SPEG: variants seen among roughly 807,000 people sequenced by gnomAD.
SPEG encodes striated muscle preferentially expressed protein kinase.
Under a neutral mutation model 300.4 loss-of-function variants are expected in SPEG, and 114 were observed. The ratio of observed to expected loss-of-function variants is 0.38; its 90% CI spans 0.33 to 0.44. The LOEUF is 0.44. Ranked by LOEUF, SPEG falls within the 20% of genes least tolerant of loss-of-function variation. The pLI is 1.00. For synonymous variants in SPEG, 1,964 were observed against 2,018.9 expected (o/e 0.97, Z 0.73); for missense variants, 4,201 against 4,586.2 (o/e 0.92, Z 2.43).
rs1694109819 is a variant in SPEG at position 219,492,911 on chromosome 2, G to C, written c.*125G>C. The C allele has an allele frequency of 9.9e-7, 1 of 1,014,706 alleles. No homozygotes were observed. 62.9% of individuals were successfully genotyped at this position (1,014,706 alleles called of 1,614,324 possible). A position where few individuals can be genotyped will look rare whatever the true frequency, so the allele number is the denominator to read the frequency against. On this transcript the variant is annotated 3_prime_UTR_variant, in exon 41 of 41. Coordinates refer to ENST00000312358, the MANE Select transcript of SPEG (RefSeq NM_005876.5). ...CGGTTACCACCAGCAGCAACATCTG[G>C]CTGGGCTCTTACCTCATAGACCTTC...
intron 6 of SPEG, among the ~76,000 whole-genome samples, chr2:219,455,911 C>A (rs1214011996): frequency 1.3e-5 from 2 of 152,234 alleles, no homozygotes; most frequent in Admixed American, 1.3e-4. Flanking sequence ...TGGGCCTGGG[C>A]CTCATCCTCC....
intron 1 of SPEG, among the ~76,000 whole-genome samples, chr2:219,438,636 G>T (rs1954780037): frequency 1.3e-5 from 2 of 152,230 alleles, no homozygotes; most frequent in African/African-American, 4.8e-5. Flanking sequence ...GTGTGTGGCT[G>T]AAGAGCAGAC....
chr2:219,451,291 C>T lies in SPEG; in HGVS notation c.2257+12C>T. The T allele has an allele frequency of 1.9e-6, 3 of 1,599,918 alleles. No individual in the cohort carries two copies. The highest frequency in any genetic ancestry group is 2.3e-5 in the South Asian group (2 of 88,780). ...CCCCCCGCCCCAAGGTGAGCTCCAG[C>T]ACTGGGCCAAGGTGCGGTCGAGGTT... is the stretch of plus-strand genomic sequence containing the variant. On this transcript the variant is annotated intron_variant, in intron 5 of 40. Transcript: ENST00000312358. The surrounding 1 kb of genome is among the most constrained non-coding windows in gnomAD (Gnocchi z 6.4).
intron 6 of SPEG, chr2:219,461,496 C>T (rs1237200325): frequency 3.7e-6 from 4 of 1,083,184 alleles, no homozygotes; most frequent in African/African-American, 1.7e-5. Flanking sequence ...AGACCTGCTT[C>T]CCCTGCTTTT....
Position 219,448,001 on chromosome 2 carries a change from G to A in SPEG, c.843G>A (p.Arg281=). Reference sequence around the variant, plus strand: ...GCGTCCCTCAGAGCGGGTTGCGCAGGGAGGAGCCCGACCTTCAGCCTCAAC... The same window carrying A: ...GCGTCCCTCAGAGCGGGTTGCGCAGAGAGGAGCCCGACCTTCAGCCTCAAC... ...HVSVPQSGLR[R]EEPDLQPQLA... Residue 281 remains arginine, a synonymous_variant, in exon 4 of 41, where the codon AGG becomes AGA. Transcript: ENST00000312358. 2 of 1,612,546 alleles carry A rather than the reference G, an allele frequency of 1.2e-6. No homozygotes were observed. The highest frequency in any genetic ancestry group is 1.7e-6 in the Non-Finnish European group (2 of 1,179,916).
chr2:219,478,187 A>G (rs919844143), intron 22 of SPEG, 82 bp downstream of exon 22: 16 of 1,256,706 alleles, frequency 1.3e-5, no homozygotes, highest in African/African-American at 3.0e-5. Context: ...AACATGTTTT[A>G]CAGTTTACAA....
In SPEG at chr2:219,458,320, G is replaced by A. The variant is rs539729234; in HGVS notation, c.2441-3562G>A. ...AGGGGAGCTTGGCAAAGAGACCATG[G>A]AGCGGTGGTCCTCAGAGTGAGGCCC... On this transcript the variant is annotated intron_variant, in intron 6 of 40. Transcript: ENST00000312358. The surrounding 1 kb of genome is among the most constrained non-coding windows in gnomAD (Gnocchi z 4.2). 3.9e-5 allele frequency among the ~76,000 whole-genome samples: 6 copies of A among 152,224 alleles called. No individual in the cohort carries two copies. The highest frequency in any genetic ancestry group is 1.4e-4 in the African/African-American group (6 of 41,452).
chr2:219,465,899 G>A lies in SPEG; in HGVS notation c.2882-1275G>A, dbSNP rs1326690502. On this transcript the variant is annotated intron_variant, in intron 9 of 40. Transcript: ENST00000312358. The stretch of plus-strand genomic sequence containing the variant: ...TGCGTGCGTGTGCATGTGTGCGTAT[G>A]GGTGTGTGCATGCGTGTGTGTGTGC... The A allele has an allele frequency of 2.0e-5, 13 of 658,830 alleles. No homozygotes were observed. The East Asian group carries it at 3.4e-4, about 17-fold the overall frequency. The allele number at this position is 658,830 out of a possible 1,614,324, so 40.8% of individuals were successfully genotyped here.
chr2:219,451,917 C>T lies in SPEG; in HGVS notation c.2440+110C>T, dbSNP rs757526116. 7.0e-6 allele frequency: 8 copies of T among 1,141,416 alleles called. No individual in the cohort carries two copies. The highest frequency in any genetic ancestry group is 3.4e-5 in the South Asian group (2 of 58,458). The allele number at this position is 1,141,416 out of a possible 1,614,324, so 70.7% of individuals were successfully genotyped here. On this transcript the variant is annotated intron_variant, in intron 6 of 40. Transcript: ENST00000312358. The surrounding 1 kb of genome is among the most constrained non-coding windows in gnomAD (Gnocchi z 6.4). ...CTCTCAGCCTTGAGCTTGGGCACCC[C>T]GCCAGCATACTTAGTCCATGCAGTC...
chr2:219,477,585 C>T lies in SPEG; in HGVS notation c.4730-104C>T. On this transcript the variant is annotated intron_variant, in intron 20 of 40. Transcript: ENST00000312358. This position sits in a 1 kb window ranked among gnomAD's most constrained non-coding sequence, Gnocchi z 6.4. The stretch of plus-strand genomic sequence containing the variant: ...CCAGCACCCCGCCTTGAGCCCCCAA[C>T]ATTCTTGCACCTCTTCTCTCTTCTT... The T allele has an allele frequency of 7.3e-7, 1 of 1,369,572 alleles. No homozygotes were observed. The highest frequency in any genetic ancestry group is 9.9e-7 in the Non-Finnish European group (1 of 1,006,294). The allele number at this position is 1,369,572 out of a possible 1,614,324, so 84.8% of individuals were successfully genotyped here. A position where few individuals can be genotyped will look rare whatever the true frequency, so the allele number is the denominator to read the frequency against.
In SPEG at chr2:219,459,258, C is replaced by A. The variant is rs1690445245; in HGVS notation, c.2441-2624C>A. Among the ~76,000 whole-genome samples, 1 of 152,174 alleles carries A rather than the reference C, an allele frequency of 6.6e-6. No homozygotes were observed. Among genetic ancestry groups the A allele is most frequent in the Non-Finnish European group, 1.5e-5 (1 of 68,018 alleles). On this transcript the variant is annotated intron_variant, in intron 6 of 40. Coordinates refer to ENST00000312358, the MANE Select transcript of SPEG (RefSeq NM_005876.5). The surrounding 1 kb of genome is among the most constrained non-coding windows in gnomAD (Gnocchi z 4.9). The stretch of plus-strand genomic sequence containing the variant: ...TAGGGGGGCACCTGCCCCCTCCTTC[C>A]TGGCTGGTGTAACTGTGTTTGCCAC...
chr2:219,461,456 C>T lies in SPEG; in HGVS notation c.2441-426C>T, dbSNP rs111749863. The stretch of plus-strand genomic sequence containing the variant: ...AGGCCCAGCTCACCCAAGAAATGGG[C>T]GTCCTAGCCATGCTGCTCCAGGGTT... On this transcript the variant is annotated intron_variant, in intron 6 of 40. Transcript: ENST00000312358. The T allele has an allele frequency of 2.0e-3, 2,058 of 1,033,406 alleles. 35 individuals carry two copies. The African/African-American group carries it at 0.033, about 17-fold the overall frequency. The allele number at this position is 1,033,406 out of a possible 1,614,324, so 64.0% of individuals were successfully genotyped here.
intron 39 of SPEG, 77 bp downstream of exon 39, chr2:219,491,946 C>CT: frequency 7.2e-7 from 1 of 1,394,650 alleles, no homozygotes; most frequent in Non-Finnish European, 9.8e-7. Context: ...CCAACACCCT[C>CT]TCCCCCGTGC....
Position 219,484,001 on chromosome 2 carries a change from C to T in SPEG, c.6538C>T (p.Arg2180Trp). The T allele has an allele frequency of 6.2e-7, 1 of 1,612,548 alleles. No homozygotes were observed. Reference sequence around the variant, plus strand: ...CGAGGCCCAGCCATCCAGCCCTGCACGGCCCAGCGCCCCCAAACCCAGTAC... The same window carrying T: ...CGAGGCCCAGCCATCCAGCCCTGCATGGCCCAGCGCCCCCAAACCCAGTAC... ...LSEAQPSSPA[R>W]PSAPKPSTPK... The change falls in exon 30 of 41, where the codon CGG becomes TGG. Residue 2180 changes from arginine to tryptophan, a missense_variant. This residue lies in a region of SPEG where 1,578 missense variants were observed against 1,506.0 expected (regional missense o/e 1.05). Transcript: ENST00000312358.
rs61747228 is a variant in SPEG, at chr2:219,467,352, T to C, written c.3060T>C (p.Asp1020=). 1.7e-3 allele frequency: 2,733 copies of C among 1,612,414 alleles called. 40 individuals carry two copies. The African/African-American group carries it at 0.033, about 19-fold the overall frequency. ...PALLKCKMHF[D]GRKCKLLLTS... is the part of the protein sequence containing the mutation. ...TGCTCAAATGCAAGATGCATTTCGATGGCCGCAAATGCAAGCTGCTACTTA... is the reference window on the plus strand; with the variant it reads ...TGCTCAAATGCAAGATGCATTTCGACGGCCGCAAATGCAAGCTGCTACTTA... Residue 1020 remains aspartate, a synonymous_variant, in exon 10 of 41, where the codon GAT becomes GAC. Coordinates refer to ENST00000312358, the MANE Select transcript of SPEG (RefSeq NM_005876.5).
At chr2:219,472,822 G>T (rs1206642671) in intron 15 of SPEG, 68 bp from the exon 16 acceptor site, 2 of 1,381,528 alleles carry the variant, frequency 1.4e-6, no homozygotes, top group African/African-American at 1.4e-5. Flanking sequence ...CCAGGGTCCC[G>T]GGCCAGCTGG....
rs1396099096 is a variant in SPEG at position 219,477,295 on chromosome 2, G to A, written c.4579G>A (p.Glu1527Lys). 3.7e-6 allele frequency: 6 copies of A among 1,612,164 alleles called. No individual in the cohort carries two copies. The highest frequency in any genetic ancestry group is 1.7e-5 in the Admixed American group (1 of 59,914). The change falls in exon 20 of 41, where the codon GAG becomes AAG. Residue 1527 changes from glutamate (E) to lysine (K), a missense_variant. By Grantham distance (56) the Glu-to-Lys change is moderately conservative. Coordinates refer to ENST00000312358, the MANE Select transcript of SPEG (RefSeq NM_005876.5). The surrounding 1 kb of genome is among the most constrained non-coding windows in gnomAD (Gnocchi z 6.4). ...TCTGCAGGACGAGGTGCTGCTGACC[G>A]AGAGCAGCCATGTGAGCTTCGTGTA... ...MWYKDEVLLT[E>K]SSHVSFVYEE... is the part of the protein sequence containing the mutation.
chr2:219,460,469 A>G (rs1690569841), intron 6 of SPEG: 1 of 985,290 alleles, frequency 1.0e-6, no homozygotes, highest in Non-Finnish European at 1.2e-6. Context: ...GGTCAGGGCA[A>G]GTGTCCCTAT....
rs763714914 is a variant in SPEG, at chr2:219,434,966, C to T, written c.-12C>T. 1.3e-6 allele frequency: 2 copies of T among 1,501,874 alleles called. No individual in the cohort carries two copies. Among genetic ancestry groups the T allele is most frequent in the African/African-American group, 1.4e-5 (1 of 69,086 alleles). 93.0% of individuals were successfully genotyped at this position (1,501,874 alleles called of 1,614,324 possible). A position where few individuals can be genotyped will look rare whatever the true frequency, so the allele number is the denominator to read the frequency against. On this transcript the variant is annotated 5_prime_UTR_variant, in exon 1 of 41. Transcript: ENST00000312358. ...CAGTTCCGGCGTCCCCCCAGCCCAG[C>T]TCTCAGTGGCCATGCAGAAAGCCCG...
Sources: gnomAD v4.1 joint callset for allele counts (sites outside exome capture counted in the v4.1 genomes callset) on GRCh38, gnomAD v4.1.1 for gene constraint, gnomAD v4.1.1 regional missense constraint, Gnocchi (gnomAD v3.1) non-coding constraint, MANE v1.5 for transcripts, NCBI Gene and HGNC (gene_info 2026-07-23, HGNC 2026-07-21) for gene names.